INSYN2A: variants seen among roughly 807,000 people sequenced by gnomAD.
INSYN2A encodes family with sequence similarity 196 member A.
A neutral mutation model predicts 39.4 loss-of-function variants in INSYN2A; 17 were observed. The ratio of observed to expected loss-of-function variants is 0.43; its 90% CI spans 0.30 to 0.65. INSYN2A has a LOEUF of 0.65. Ranked by LOEUF, INSYN2A falls within the 30% of genes least tolerant of loss-of-function variation. INSYN2A has a pLI of 0.14. For missense variants in INSYN2A, 595 were observed against 631.2 expected (o/e 0.94, Z 0.61); for synonymous variants, 255 against 265.7 (o/e 0.96, Z 0.39).
At chr10:127,159,762 A>C (rs1007105408) in intron 4 of INSYN2A, among the ~76,000 whole-genome samples, 1 of 152,278 alleles carries the variant, frequency 6.6e-6, no homozygotes, top group African/African-American at 2.4e-5. Context: ...CCCATGGCAG[A>C]GCTGGTGCTG....
rs117811059 is a variant in INSYN2A, at chr10:127,178,610, G to C, written c.-268-1471C>G. 3.0e-4 allele frequency among the ~76,000 whole-genome samples: 45 copies of C among 152,336 alleles called. 1 individual carries two copies. In the East Asian group the frequency reaches 8.7e-3, roughly 29 times the overall value. Reference sequence around the variant, plus strand: ...ATTATCCTATAGTGTGTCCTGAAAGGTGAGGCTTGCGTAGACAGCAAAGGA... The same window carrying C: ...ATTATCCTATAGTGTGTCCTGAAAGCTGAGGCTTGCGTAGACAGCAAAGGA... On this transcript the variant is annotated intron_variant, in intron 2 of 5. Coordinates refer to ENST00000522781, the MANE Select transcript of INSYN2A (RefSeq NM_001039762.3).
chr10:127,189,983 G>A (rs1198036706), intron 2 of INSYN2A, among the ~76,000 whole-genome samples: 2 of 152,174 alleles, frequency 1.3e-5, no homozygotes, highest in Admixed American at 6.5e-5. Flanking sequence ...ATGCTGGCCC[G>A]ATGAACTCTC....
In INSYN2A at chr10:127,136,804, A is replaced by T. The variant is rs1471768392; in HGVS notation, c.*1033T>A. 6.6e-6 allele frequency: 1 copy of T among 152,600 alleles called. No individual in the cohort carries two copies. The highest frequency in any genetic ancestry group is 2.4e-5 in the African/African-American group (1 of 41,440). 9.5% of individuals were successfully genotyped at this position (152,600 alleles called of 1,614,324 possible). ...CCTTGGTAGCAGCTAAACTAAACGC[A>T]CTGTTTCTCTTTGAGATGGTCAGGG... On this transcript the variant is annotated 3_prime_UTR_variant, in exon 6 of 6. Coordinates refer to ENST00000522781, the MANE Select transcript of INSYN2A (RefSeq NM_001039762.3).
intron 2 of INSYN2A, among the ~76,000 whole-genome samples, chr10:127,183,109 T>C (rs2055893104): frequency 6.6e-6 from 1 of 150,684 alleles, no homozygotes; most frequent in African/African-American, 2.4e-5. Flanking sequence ...CTAAACAGCA[T>C]GTTTTGACTC....
chr10:127,162,413 T>C (rs2133689273), intron 4 of INSYN2A, among the ~76,000 whole-genome samples: 1 of 152,332 alleles, frequency 6.6e-6, no homozygotes, highest in South Asian at 2.1e-4. Context: ...AATCTCCATA[T>C]AGATTAAAGG....
At chr10:127,185,185 C>T (rs181950531) in intron 2 of INSYN2A, among the ~76,000 whole-genome samples, 129 of 152,272 alleles carry the variant, frequency 8.5e-4, no homozygotes, top group Admixed American at 2.7e-3. Flanking sequence ...GTAGGTCCCT[C>T]TAAGTCTTCC....
rs377729347 is a variant in INSYN2A, at chr10:127,175,440, C to T, written c.956G>A (p.Ser319Asn). Reference protein sequence around the residue: ...PPMQCLSPECSEQPSQTHTPP... With the variant: ...PPMQCLSPECNEQPSQTHTPP... The stretch of plus-strand genomic sequence containing the variant: ...GGTGTGAGTCTGCGACGGCTGCTCA[C>T]TACATTCGGGGGACAGGCACTGCAT... The change falls in exon 4 of 6, where the codon AGT becomes AAT. Residue 319 changes from serine (S) to asparagine (N), a missense_variant. Ser to Asn is a conservative substitution (Grantham distance 46). Around this residue, in one of 2 missense-constraint regions of INSYN2A, gnomAD observed 478 missense variants for 467.4 expected, o/e 1.02. Transcript: ENST00000522781. This position sits in a 1 kb window ranked among gnomAD's most constrained non-coding sequence, Gnocchi z 6.3. The T allele has an allele frequency of 3.0e-5, 48 of 1,612,358 alleles. No individual in the cohort carries two copies. The highest frequency in any genetic ancestry group is 1.9e-4 in the African/African-American group (14 of 74,928).
In INSYN2A at chr10:127,176,168, C is replaced by T. The variant is rs1415568867; in HGVS notation, c.228G>A (p.Lys76=). 2 of 1,614,092 alleles carry T rather than the reference C, an allele frequency of 1.2e-6. No individual in the cohort carries two copies. Among genetic ancestry groups the T allele is most frequent in the East Asian group, 2.2e-5 (1 of 44,842 alleles). Residue 76 remains lysine (K), a synonymous_variant, in exon 4 of 6, where the codon AAG becomes AAA. Coordinates refer to ENST00000522781, the MANE Select transcript of INSYN2A (RefSeq NM_001039762.3). This position sits in a 1 kb window ranked among gnomAD's most constrained non-coding sequence, Gnocchi z 4.4. ...SGQLGEKREA[K]PVSCRAAYRK... ...GGTAGGCTGCTCTGCAGGACACGGG[C>T]TTGGCCTCCCGCTTCTCCCCCAGCT... is the stretch of plus-strand genomic sequence containing the variant.
chr10:127,177,977 A>G (rs2055339000), intron 2 of INSYN2A, among the ~76,000 whole-genome samples: 1 of 152,334 alleles, frequency 6.6e-6, no homozygotes, highest in South Asian at 2.1e-4. Context: ...CGCTGAATCC[A>G]TGCTGTTCTC....
At chr10:127,156,495 TGAA>T (rs2053059636) in intron 4 of INSYN2A, among the ~76,000 whole-genome samples, 1 of 152,052 alleles carries the variant, frequency 6.6e-6, no homozygotes, top group Non-Finnish European at 1.5e-5. Flanking sequence ...ATTGCTTTTC[TGAA>T]TCTTTTCTTC....
At chr10:127,188,370 A>G (rs2056465341) in intron 2 of INSYN2A, among the ~76,000 whole-genome samples, 1 of 152,120 alleles carries the variant, frequency 6.6e-6, no homozygotes, top group South Asian at 2.1e-4. Flanking sequence ...GGAATAGGGC[A>G]TATTCACACT....
chr10:127,176,073 G>A lies in INSYN2A; in HGVS notation c.323C>T (p.Ser108Leu), dbSNP rs770566069. ...NVTKSTGVQT[S>L]PDLKKCYQTF... ...CTGGTAACACTTCTTAAGGTCGGGC[G>A]AGGTCTGCACGCCTGTGCTCTTGGT... Residue 108 changes from serine (S) to leucine (L), a missense_variant, in exon 4 of 6, where the codon TCG becomes TTG. This residue lies in a region of INSYN2A where 478 missense variants were observed against 467.4 expected (regional missense o/e 1.02). Coordinates refer to ENST00000522781, the MANE Select transcript of INSYN2A (RefSeq NM_001039762.3). This position sits in a 1 kb window ranked among gnomAD's most constrained non-coding sequence, Gnocchi z 4.4. 4.7e-5 allele frequency: 76 copies of A among 1,614,008 alleles called. No homozygotes were observed. Among genetic ancestry groups the A allele is most frequent in the Non-Finnish European group, 5.8e-5 (68 of 1,180,036 alleles).
intron 5 of INSYN2A, among the ~76,000 whole-genome samples, chr10:127,152,978 A>C (rs941299961): frequency 6.6e-6 from 1 of 152,182 alleles, no homozygotes; most frequent in Non-Finnish European, 1.5e-5. Flanking sequence ...GTGTAGCCTC[A>C]AGCCTCTTTG....
intron 2 of INSYN2A, among the ~76,000 whole-genome samples, chr10:127,191,139 C>T (rs1440688673): frequency 1.3e-5 from 2 of 152,104 alleles, no homozygotes; most frequent in African/African-American, 4.8e-5. Flanking sequence ...GGACTAATGT[C>T]TGCTGGGCTC....
At chr10:127,157,029 T>G (rs769495679) in intron 4 of INSYN2A, among the ~76,000 whole-genome samples, 3 of 152,240 alleles carry the variant, frequency 2.0e-5, no homozygotes, top group Admixed American at 6.5e-5. Context: ...GCGAATAAGA[T>G]GGAGTCCTTG....
chr10:127,148,572 C>G (rs145106153), intron 5 of INSYN2A, among the ~76,000 whole-genome samples: 4 of 152,084 alleles, frequency 2.6e-5, no homozygotes, highest in African/African-American at 9.7e-5. Context: ...GCTGGTTTGC[C>G]GATGATGTTT....
intron 5 of INSYN2A, among the ~76,000 whole-genome samples, chr10:127,143,992 C>T (rs1447232091): frequency 6.6e-6 from 1 of 152,194 alleles, no homozygotes. Context: ...ACTGCAGACC[C>T]TGGAATCAAG....
intron 5 of INSYN2A, among the ~76,000 whole-genome samples, chr10:127,149,566 C>A (rs2052276529): frequency 6.6e-6 from 1 of 152,162 alleles, no homozygotes; most frequent in South Asian, 2.1e-4. Flanking sequence ...CTGGGCCAGG[C>A]ATTACTGGAA....
chr10:127,172,027 C>T (rs2054619540), intron 4 of INSYN2A, among the ~76,000 whole-genome samples: 1 of 152,156 alleles, frequency 6.6e-6, no homozygotes, highest in African/African-American at 2.4e-5. Flanking sequence ...TTAACTTGGT[C>T]ATTTGAGTTC....
Sources: allele counts gnomAD v4.1 joint callset (sites outside exome capture counted in the v4.1 genomes callset), GRCh38; gene constraint gnomAD v4.1.1; regional missense constraint gnomAD v4.1.1; non-coding constraint Gnocchi (gnomAD v3.1); transcripts MANE v1.5; gene names NCBI Gene and HGNC (gene_info 2026-07-23, HGNC 2026-07-21).